SPMIP8: variants seen among roughly 807,000 people sequenced by gnomAD.
The protein encoded by SPMIP8 is testicular tissue protein Li 196.
At chr16:57,985,368 G>T in the SPMIP8 span, 354 of 1,592,086 alleles carry the variant, frequency 2.2e-4, no homozygotes, top group African/African-American at 4.2e-3. Flanking sequence ...ACCCAGAGCA[G>T]GGCCTCCCAG....
the SPMIP8 span, chr16:57,985,079 C>G: frequency 8.5e-7 from 1 of 1,179,654 alleles, no homozygotes; most frequent in African/African-American, 1.6e-5. Context: ...GGGACCTGTT[C>G]TCCGTACACG....
At chr16:57,984,365 G>A in the SPMIP8 span, 3 of 1,614,050 alleles carry the variant, frequency 1.9e-6, no homozygotes, top group South Asian at 2.2e-5. Flanking sequence ...GCAGTGTTTG[G>A]TGAGTGTCCT....
At chr16:57,984,671 G>C in the SPMIP8 span, 1 of 1,595,032 alleles carries the variant, frequency 6.3e-7, no homozygotes, top group Non-Finnish European at 8.5e-7. Flanking sequence ...TTCGCAACAG[G>C]TACCACGAGG....
At chr16:57,984,512 G>C in the SPMIP8 span, 2 of 1,510,030 alleles carry the variant, frequency 1.3e-6, no homozygotes, top group South Asian at 2.4e-5. Flanking sequence ...TCACGACTTC[G>C]GGCGCCCCCT....
the SPMIP8 span, among the ~76,000 whole-genome samples, chr16:57,981,426 A>ATAATAATAATTG: frequency 1.4e-5 from 2 of 139,080 alleles, no homozygotes; most frequent in Non-Finnish European, 3.1e-5. Context: ...TATTATTATT[A>ATAATAATAATTG]TTATTATAAT....
the SPMIP8 span, among the ~76,000 whole-genome samples, chr16:57,982,454 A>G: frequency 4.6e-5 from 7 of 152,192 alleles, no homozygotes; most frequent in Non-Finnish European, 7.3e-5. Context: ...ACAGTCCCAT[A>G]TGGTGAATTT....
At chr16:57,978,540 C>CA in the SPMIP8 span, among the ~76,000 whole-genome samples, 312 of 145,178 alleles carry the variant, frequency 2.1e-3, 3 homozygotes, top group South Asian at 0.02. Flanking sequence ...GTCTCCGTCT[C>CA]AAAAAAAAAA....
chr16:57,982,857 C>T, the SPMIP8 span, among the ~76,000 whole-genome samples: 14 of 152,090 alleles, frequency 9.2e-5, no homozygotes, highest in Admixed American at 6.6e-4. Flanking sequence ...TGGTGAAACC[C>T]CATCTCTACT....
chr16:57,984,483 C>A, the SPMIP8 span: 10 of 1,520,168 alleles, frequency 6.6e-6, no homozygotes, highest in Non-Finnish European at 8.1e-6. Context: ...TCCCGCTCCC[C>A]ACATCACCCC....
the SPMIP8 span, among the ~76,000 whole-genome samples, chr16:57,979,722 CAT>C: frequency 6.6e-6 from 1 of 152,022 alleles, no homozygotes; most frequent in East Asian, 1.9e-4. Context: ...AATATAAACA[CAT>C]GTTATTTTGC....
chr16:57,984,862 G>A, the SPMIP8 span: 4 of 1,537,356 alleles, frequency 2.6e-6, no homozygotes, highest in Middle Eastern at 3.8e-4. Context: ...CCGCGGGGCT[G>A]GAGCAGGGAA....
the SPMIP8 span, among the ~76,000 whole-genome samples, chr16:57,981,389 A>AATAATAATAATAATTATTATT: frequency 1.5e-5 from 2 of 132,912 alleles, no homozygotes; most frequent in Admixed American, 7.8e-5. Flanking sequence ...CAATAATAAT[A>AATAATAATAATAATTATTATT]ATAATTATTA....
chr16:57,985,629 T>G, the SPMIP8 span: 1 of 1,498,568 alleles, frequency 6.7e-7, no homozygotes, highest in Non-Finnish European at 8.9e-7. Flanking sequence ...GCACAGGCAA[T>G]GCCCCTTGAA....
At chr16:57,981,264 C>A in the SPMIP8 span, among the ~76,000 whole-genome samples, 1 of 150,834 alleles carries the variant, frequency 6.6e-6, no homozygotes, top group Non-Finnish European at 1.5e-5. Flanking sequence ...GCTTGTAATC[C>A]CAGCTACTGG....
the SPMIP8 span, among the ~76,000 whole-genome samples, chr16:57,981,722 G>T: frequency 1.3e-5 from 2 of 151,808 alleles, no homozygotes; most frequent in Non-Finnish European, 2.9e-5. Flanking sequence ...CACCATGTTG[G>T]CCAGGCTGGT....
At chr16:57,977,959 C>A in the SPMIP8 span, 1 of 1,614,188 alleles carries the variant, frequency 6.2e-7, no homozygotes, top group South Asian at 1.1e-5. Flanking sequence ...GCCCTGCCCA[C>A]CCTGCGCCAC....
chr16:57,981,160 C>T, the SPMIP8 span, among the ~76,000 whole-genome samples: 2 of 151,882 alleles, frequency 1.3e-5, no homozygotes, highest in African/African-American at 4.8e-5. Flanking sequence ...GCAAGTGGAT[C>T]GCCTGAGGTC....
At chr16:57,986,328 G>A in the SPMIP8 span, 1 of 204,880 alleles carries the variant, frequency 4.9e-6, no homozygotes, top group East Asian at 1.1e-4. Context: ...TCCCGGCAGG[G>A]TCGCCCCACA....
At chr16:57,979,659 A>AC in the SPMIP8 span, among the ~76,000 whole-genome samples, 3 of 150,380 alleles carry the variant, frequency 2.0e-5, no homozygotes, top group Non-Finnish European at 4.4e-5. Flanking sequence ...ACAGGTAACC[A>AC]CCCCCCCACC....
Sources: allele counts gnomAD v4.1 joint callset (sites outside exome capture counted in the v4.1 genomes callset), GRCh38; gene constraint gnomAD v4.1.1; transcripts MANE v1.5; gene names NCBI Gene and HGNC (gene_info 2026-07-23, HGNC 2026-07-21).